The following HHAT variants were observed in gnomAD, a reference collection of about 807,000 sequenced individuals.
The protein encoded by HHAT is protein-cysteine N-palmitoyltransferase HHAT.
Under a neutral mutation model 70.8 loss-of-function variants are expected in HHAT, and 47 were observed. The ratio of observed to expected loss-of-function variants is 0.66; its 90% CI spans 0.53 to 0.85. The LOEUF (loss-of-function observed/expected upper bound fraction) is 0.85. Among genes scored for constraint, HHAT ranks in the 40% least tolerant of loss-of-function variants. The pLI is 0.00. For synonymous variants in HHAT, 228 were observed against 247.6 expected, an observed-to-expected ratio of 0.92 and a Z score of 0.74; for missense variants, 609 against 604.8, an observed-to-expected ratio of 1.01 and a Z score of -0.07.
intron 6 of HHAT, among the ~76,000 whole-genome samples, chr1:210,410,523 A>T (rs1439621467): frequency 3.4e-5 from 4 of 116,434 alleles, no homozygotes; most frequent in South Asian, 2.9e-4. Flanking sequence ...TTATTTGTAA[A>T]TTTTTTTTTT....
intron 7 of HHAT, among the ~76,000 whole-genome samples, chr1:210,464,183 A>T (rs2094045319): frequency 1.3e-5 from 2 of 151,524 alleles, no homozygotes; most frequent in South Asian, 4.2e-4. Context: ...GTTTTAAAAG[A>T]TTTTGGGAAG....
At chr1:210,356,246 C>G (rs1322786435) in intron 2 of HHAT, among the ~76,000 whole-genome samples, 2 of 152,038 alleles carry the variant, frequency 1.3e-5, no homozygotes, top group East Asian at 3.9e-4. Context: ...AAGCAGCTAC[C>G]CTAGAACCTT....
intron 3 of HHAT, among the ~76,000 whole-genome samples, chr1:210,364,976 T>TC (rs2088762627): frequency 6.6e-6 from 1 of 152,170 alleles, no homozygotes; most frequent in Non-Finnish European, 1.5e-5. Context: ...GCACCTCTCA[T>TC]CTTCTCATCT....
At chr1:210,499,868 A>G (rs1290865036) in intron 8 of HHAT, among the ~76,000 whole-genome samples, 2 of 152,330 alleles carry the variant, frequency 1.3e-5, no homozygotes, top group East Asian at 1.9e-4. Flanking sequence ...GGGAATTCTT[A>G]AAGCTCCAAT....
intron 11 of HHAT, among the ~76,000 whole-genome samples, chr1:210,628,297 G>T (rs943663601): frequency 2.0e-5 from 3 of 152,036 alleles, no homozygotes; most frequent in Admixed American, 6.6e-5. Flanking sequence ...GCCTGCTTTT[G>T]TCCAGGGAAG....
chr1:210,456,016 T>C (rs2093858971), intron 7 of HHAT, among the ~76,000 whole-genome samples: 1 of 152,188 alleles, frequency 6.6e-6, no homozygotes, highest in African/African-American at 2.4e-5. Context: ...TGCAAAGCTC[T>C]GCCATAGCTC....
In HHAT at chr1:210,386,232, T is replaced by TTC. The variant is rs1477527527; in HGVS notation, c.160-1235_160-1234insCT. ...TGCAGGAGTCCTTTTCTTTTTTTCT[T>TTC]TTTTTTTTTTTTTTTTTTTTTTTTG... On this transcript the variant is annotated intron_variant, in intron 3 of 11. Transcript: ENST00000261458. Among the ~76,000 whole-genome samples, 26 of 39,282 alleles carry TTC rather than the reference T, an allele frequency of 6.6e-4. 5 individuals are homozygous for TTC. Among genetic ancestry groups the TTC allele is most frequent in the Non-Finnish European group, 1.1e-3 (23 of 21,580 alleles). The allele number at this position is 39,282 out of a possible 152,430, so 25.8% of individuals were successfully genotyped here.
intron 7 of HHAT, among the ~76,000 whole-genome samples, chr1:210,456,709 C>G (rs1182449534): frequency 3.9e-5 from 6 of 152,196 alleles, no homozygotes; most frequent in Non-Finnish European, 7.3e-5. Flanking sequence ...GAAGTGGGGA[C>G]ACTAGCTTCT....
At chr1:210,341,945 T>C (rs567946590) in intron 1 of HHAT, among the ~76,000 whole-genome samples, 60 of 152,304 alleles carry the variant, frequency 3.9e-4, no homozygotes, top group African/African-American at 1.4e-3. Flanking sequence ...TAGTATTAAA[T>C]GCACGTTCTA....
chr1:210,473,986 C>A (rs909508165), intron 8 of HHAT, among the ~76,000 whole-genome samples: 5 of 152,150 alleles, frequency 3.3e-5, no homozygotes, highest in African/African-American at 7.2e-5. Context: ...ATGTCAATTT[C>A]ACATTTATAT....
intron 9 of HHAT, among the ~76,000 whole-genome samples, chr1:210,577,548 G>A (rs893238695): frequency 6.6e-6 from 1 of 151,172 alleles, no homozygotes; most frequent in Non-Finnish European, 1.5e-5. Flanking sequence ...CATGACGAAC[G>A]ATTCTTTCAA....
Position 210,670,953 on chromosome 1 carries a change from C to T in HHAT, c.1391-3335C>T, listed in dbSNP as rs552041995. On this transcript the variant is annotated intron_variant, in intron 11 of 11. Transcript: ENST00000261458. ...AAGTCTCCTAAGTGCTATCTAGCCACCTCTCTGGATGGCATATACAGTAAG... is the reference window on the plus strand; with the variant it reads ...AAGTCTCCTAAGTGCTATCTAGCCATCTCTCTGGATGGCATATACAGTAAG... Among the ~76,000 whole-genome samples, 17 of 152,274 alleles carry T rather than the reference C, an allele frequency of 1.1e-4. No individual in the cohort carries two copies. The South Asian group carries it at 3.1e-3, about 28-fold the overall frequency.
chr1:210,364,079 A>G (rs2088644565), intron 3 of HHAT, among the ~76,000 whole-genome samples: 2 of 152,226 alleles, frequency 1.3e-5, no homozygotes, highest in Non-Finnish European at 1.5e-5. Context: ...TACAAGGCCC[A>G]TGTTTTTCTG....
intron 8 of HHAT, among the ~76,000 whole-genome samples, chr1:210,478,410 C>T (rs527911628): frequency 2.4e-4 from 36 of 152,244 alleles, no homozygotes; most frequent in African/African-American, 8.4e-4. Context: ...CTGGACCAGC[C>T]CCTTTCCTGG....
chr1:210,374,938 C>G (rs1379696025), intron 3 of HHAT, among the ~76,000 whole-genome samples: 3 of 151,922 alleles, frequency 2.0e-5, no homozygotes, highest in Admixed American at 1.3e-4. Flanking sequence ...CCAGTCCTCC[C>G]TGCCACCCCC....
intron 10 of HHAT, among the ~76,000 whole-genome samples, chr1:210,596,881 G>A (rs1287695371): frequency 3.9e-5 from 6 of 152,032 alleles, no homozygotes; most frequent in African/African-American, 1.4e-4. Context: ...GCTTGTGGAT[G>A]GTGCATTGGT....
intron 9 of HHAT, among the ~76,000 whole-genome samples, chr1:210,521,756 G>T (rs987315213): frequency 2.0e-5 from 3 of 152,188 alleles, no homozygotes; most frequent in Non-Finnish European, 4.4e-5. Context: ...AAGAGAGCTG[G>T]AGATGAGCCA....
intron 8 of HHAT, among the ~76,000 whole-genome samples, chr1:210,478,517 G>A (rs2094341262): frequency 1.3e-5 from 2 of 152,080 alleles, no homozygotes; most frequent in South Asian, 2.1e-4. Flanking sequence ...CCGAATCTCT[G>A]GAATCTAAGA....
intron 10 of HHAT, among the ~76,000 whole-genome samples, chr1:210,602,761 G>T (rs1464307881): frequency 6.6e-6 from 1 of 152,136 alleles, no homozygotes; most frequent in African/African-American, 2.4e-5. Context: ...TGAACGGTGT[G>T]TTCCTTGGTG....
Sources: allele counts gnomAD v4.1 joint callset (sites outside exome capture counted in the v4.1 genomes callset), GRCh38; gene constraint gnomAD v4.1.1; transcripts MANE v1.5; gene names NCBI Gene and HGNC (gene_info 2026-07-23, HGNC 2026-07-21).